The following TULP4 variants were observed in gnomAD, a reference collection of about 807,000 sequenced individuals.
TULP4 encodes the protein tubby-related protein 4.
In TULP4, 16 loss-of-function variants were observed where a neutral mutation model predicts 129.0. The ratio of observed to expected loss-of-function variants is 0.12; its 90% confidence interval spans 0.08 to 0.19. The LOEUF is 0.19. Among genes scored for constraint, TULP4 ranks in the 10% least tolerant of loss-of-function variants. The pLI is 1.00. For missense variants in TULP4, 1,842 were observed against 2,059.1 expected (o/e 0.89, Z 2.04); for synonymous variants, 998 against 854.0 (o/e 1.17, Z -2.94).
At chr6:158,370,457 CAAAAAAAAAA>C (rs533005080) in intron 1 of TULP4, among the ~76,000 whole-genome samples, 59 of 28,902 alleles carry the variant, frequency 2.0e-3, no homozygotes, top group Admixed American at 0.011. Context: ...AACTCCATCT[CAAAAAAAAAA>C]AAAAAAAAAA....
Position 158,461,724 on chromosome 6 carries a change from G to T in TULP4, c.1021G>T (p.Val341Leu). ...GEHIFTLDTL[V>L]QRPIISICWG... ...GCACATCTTCACACTGGACACTCTC[G>T]TGCAGGTAAGGATGTTCTCTGGAAA... Residue 341 changes from valine to leucine, a missense_variant, in exon 6 of 14, where the codon GTG becomes TTG. By Grantham distance (32) the Val-to-Leu change is conservative. This residue lies in a region of TULP4 where 456 missense variants were observed against 534.3 expected (regional missense o/e 0.85). Coordinates refer to ENST00000367097, the MANE Select transcript of TULP4 (RefSeq NM_020245.5). The T allele has an allele frequency of 6.2e-7, 1 of 1,613,888 alleles. No homozygotes were observed. The highest frequency in any genetic ancestry group is 8.5e-7 in the Non-Finnish European group (1 of 1,179,888).
At chr6:158,314,547 C>T (rs1779445435) in intron 1 of TULP4, among the ~76,000 whole-genome samples, 1 of 152,144 alleles carries the variant, frequency 6.6e-6, no homozygotes. Context: ...GGGAAGACGC[C>T]CAGCAGTAGG....
chr6:158,492,497 A>G (rs544780815), intron 9 of TULP4, among the ~76,000 whole-genome samples: 5 of 152,238 alleles, frequency 3.3e-5, no homozygotes, highest in Non-Finnish European at 5.9e-5. Context: ...GAACTTTCCT[A>G]TATTTCCAAA....
intron 1 of TULP4, among the ~76,000 whole-genome samples, chr6:158,302,709 T>C (rs1779152413): frequency 6.6e-6 from 1 of 152,162 alleles, no homozygotes; most frequent in South Asian, 2.1e-4. Context: ...AGAGGTTTAG[T>C]AATTCCTTCA....
Position 158,313,346 on chromosome 6 carries a change from A to G in TULP4, c.-671A>G, listed in dbSNP as rs1313628491. 5.0e-6 allele frequency: 2 copies of G among 396,582 alleles called. No homozygotes were observed. The highest frequency in any genetic ancestry group is 2.1e-5 in the African/African-American group (1 of 48,576). 24.6% of individuals were successfully genotyped at this position (396,582 alleles called of 1,614,324 possible). On this transcript the variant is annotated 5_prime_UTR_variant, in exon 1 of 14. Coordinates refer to ENST00000367097, the MANE Select transcript of TULP4 (RefSeq NM_020245.5). Reference sequence around the variant, plus strand: ...AGGAGAGAGTCTGTTTTTCTTCCTAAAATTTGGACTCTTGTCTGCACAAAC... The same window carrying G: ...AGGAGAGAGTCTGTTTTTCTTCCTAGAATTTGGACTCTTGTCTGCACAAAC...
chr6:158,404,175 CA>C (rs1777921066), intron 1 of TULP4, among the ~76,000 whole-genome samples: 1 of 152,136 alleles, frequency 6.6e-6, no homozygotes, highest in African/African-American at 2.4e-5. Context: ...CCTTGAAGAC[CA>C]GAATGTCTAC....
rs1780536558 is a variant in TULP4 at position 158,503,974 on chromosome 6, G to A, written c.4311G>A (p.Arg1437=). ...GCTGGAAAAGCAAGCGCTCCCCACGGGCCGCCGGCGAGCTGGAGGAGGCCA... is the reference window on the plus strand; with the variant it reads ...GCTGGAAAAGCAAGCGCTCCCCACGAGCCGCCGGCGAGCTGGAGGAGGCCA... ...RKGWKSKRSP[R]AAGELEEAKC... The change falls in exon 13 of 14, where the codon CGG becomes CGA. Residue 1437 remains arginine, a synonymous_variant. Coordinates refer to ENST00000367097, the MANE Select transcript of TULP4 (RefSeq NM_020245.5). The surrounding 1 kb of genome is among the most constrained non-coding windows in gnomAD (Gnocchi z 4.3). 2 of 1,613,008 alleles carry A rather than the reference G, an allele frequency of 1.2e-6. No individual in the cohort carries two copies. The highest frequency in any genetic ancestry group is 2.2e-5 in the South Asian group (2 of 91,004).
chr6:158,331,485 G>A (rs1227427686), intron 1 of TULP4, among the ~76,000 whole-genome samples: 1 of 151,916 alleles, frequency 6.6e-6, no homozygotes, highest in African/African-American at 2.4e-5. Flanking sequence ...GTCACTGGCA[G>A]TGGTAGGTGG....
intron 1 of TULP4, among the ~76,000 whole-genome samples, chr6:158,296,685 A>T (rs1035211003): frequency 6.6e-6 from 1 of 151,844 alleles, no homozygotes; most frequent in Non-Finnish European, 1.5e-5. Context: ...CCGGTCTGAG[A>T]AATAAAGAGA....
At chr6:158,400,050 A>G (rs922379664) in intron 1 of TULP4, among the ~76,000 whole-genome samples, 1 of 152,260 alleles carries the variant, frequency 6.6e-6, no homozygotes, top group Non-Finnish European at 1.5e-5. Context: ...TCAGAATTGC[A>G]TAACACAAAT....
At chr6:158,242,895 C>T (rs1156285219) in intron 1 of TULP4, 1 of 187,986 alleles carries the variant, frequency 5.3e-6, no homozygotes, top group Non-Finnish European at 1.1e-5. Context: ...AGTGATTCTC[C>T]TTGCCCCAGC....
At chr6:158,354,648 T>A (rs185221670) in intron 1 of TULP4, among the ~76,000 whole-genome samples, 98 of 152,238 alleles carry the variant, frequency 6.4e-4, no homozygotes, top group African/African-American at 2.2e-3. Flanking sequence ...GTCCCAGCAC[T>A]TTAGGAGGCC....
At chr6:158,432,454 T>A (rs1442583237) in intron 3 of TULP4, among the ~76,000 whole-genome samples, 1 of 152,206 alleles carries the variant, frequency 6.6e-6, no homozygotes, top group Non-Finnish European at 1.5e-5. Flanking sequence ...CCTGAGAACT[T>A]TCTGCCTTTA....
chr6:158,446,637 T>A (rs1344626054), intron 3 of TULP4, among the ~76,000 whole-genome samples: 1 of 152,166 alleles, frequency 6.6e-6, no homozygotes, highest in Admixed American at 6.5e-5. Context: ...GGTTCAGGTC[T>A]CAGCTTGGGC....
intron 1 of TULP4, among the ~76,000 whole-genome samples, chr6:158,332,974 A>G (rs372009523): frequency 6.6e-6 from 1 of 152,208 alleles, no homozygotes; most frequent in African/African-American, 2.4e-5. Context: ...CATTACATAT[A>G]TGTGTTTTAG....
chr6:158,247,832 G>A (rs368254324), intron 1 of TULP4, among the ~76,000 whole-genome samples: 5 of 152,314 alleles, frequency 3.3e-5, no homozygotes, highest in Admixed American at 2.6e-4. Context: ...TGTTAGTGCC[G>A]GGGCAGTTTT....
intron 1 of TULP4, among the ~76,000 whole-genome samples, chr6:158,233,204 C>T (rs1777630631): frequency 6.6e-6 from 1 of 152,308 alleles, no homozygotes; most frequent in Non-Finnish European, 1.5e-5. Context: ...GCTGAACTGC[C>T]CTTGTCATCA....
intron 1 of TULP4, among the ~76,000 whole-genome samples, chr6:158,346,788 G>A (rs573309415): frequency 7.0e-6 from 1 of 143,590 alleles, no homozygotes; most frequent in African/African-American, 2.6e-5. Context: ...CTTCTTGAAG[G>A]TTTACATTTT....
At position 158,427,470 on chromosome 6, in the gene TULP4, C is replaced by CTTTTTTTTTTTTTTTTT. The variant is rs1251385882; in HGVS notation, c.382-2266_382-2265insTTTTTTTTTTTTTTTTT. On this transcript the variant is annotated intron_variant, in intron 2 of 13. Coordinates refer to ENST00000367097, the MANE Select transcript of TULP4 (RefSeq NM_020245.5). ...CAAATTCCTTTTCAAAATTATCAGA[C>CTTTTTTTTTTTTTTTTT]CTTTTTTTTTTTTTTTTTTTTTTTT... Among the ~76,000 whole-genome samples, 15 of 100,682 alleles carry CTTTTTTTTTTTTTTTTT rather than the reference C, an allele frequency of 1.5e-4. 1 individual carries two copies. The highest frequency in any genetic ancestry group is 2.5e-4 in the Non-Finnish European group (13 of 51,414). 66.1% of individuals were successfully genotyped at this position (100,682 alleles called of 152,430 possible).
Sources: allele counts gnomAD v4.1 joint callset (sites outside exome capture counted in the v4.1 genomes callset), GRCh38; gene constraint gnomAD v4.1.1; regional missense constraint gnomAD v4.1.1; non-coding constraint Gnocchi (gnomAD v3.1); transcripts MANE v1.5; gene names NCBI Gene and HGNC (gene_info 2026-07-23, HGNC 2026-07-21).